UGT1A8: variants seen among roughly 807,000 people sequenced by gnomAD.
UGT1A8 encodes UDP glucuronosyltransferase family 1 member A8, also known as UDP-glucuronosyltransferase 1A8.
In UGT1A8, 39 loss-of-function variants were observed where a neutral mutation model predicts 45.3. The observed-to-expected ratio is 0.86, with a 90% confidence interval of 0.67 to 1.12. The LOEUF (loss-of-function observed/expected upper bound fraction) is 1.12, where lower values mean the gene tolerates loss of function less well. UGT1A8 is among the 50% of genes most tolerant of loss of function. UGT1A8 has a pLI of 0.00. For missense variants in UGT1A8, 719 were observed against 664.9 expected, an observed-to-expected ratio of 1.08 and a Z score of -0.90; for synonymous variants, 275 against 249.2, an observed-to-expected ratio of 1.10 and a Z score of -0.97.
At chr2:233,721,905 C>A in intron 1 of UGT1A8, 1 of 450,072 alleles carries the variant, frequency 2.2e-6, no homozygotes, top group Non-Finnish European at 4.4e-6. Context: ...CGAAATGGTG[C>A]ACACTGCTTC....
chr2:233,629,086 G>A (rs1260724263), intron 1 of UGT1A8, among the ~76,000 whole-genome samples: 1 of 151,934 alleles, frequency 6.6e-6, no homozygotes, highest in African/African-American at 2.4e-5. Context: ...TTCCCAAACT[G>A]AAACTTTGGA....
chr2:233,763,026 C>T (rs1324231755), intron 1 of UGT1A8, among the ~76,000 whole-genome samples: 1 of 152,138 alleles, frequency 6.6e-6, no homozygotes, highest in African/African-American at 2.4e-5. Flanking sequence ...TTATGTTAGC[C>T]ATTGTTTTCT....
At chr2:233,760,186 C>G (rs1697340087) in intron 1 of UGT1A8, 1 of 1,558,442 alleles carries the variant, frequency 6.4e-7, no homozygotes, top group Admixed American at 1.8e-5. Flanking sequence ...TTTTTATAGT[C>G]ACGTGACACA....
At chr2:233,693,725 G>C in intron 1 of UGT1A8, 1 of 1,614,208 alleles carries the variant, frequency 6.2e-7, no homozygotes, top group Non-Finnish European at 8.5e-7. Flanking sequence ...CAAGAGAGAT[G>C]TGGATATAAT....
At chr2:233,705,261 G>A (rs1042123676) in intron 1 of UGT1A8, among the ~76,000 whole-genome samples, 1 of 152,140 alleles carries the variant, frequency 6.6e-6, no homozygotes, top group Admixed American at 6.5e-5. Context: ...ATTCTATGGG[G>A]TCACTTGCTT....
chr2:233,640,951 T>G (rs1170056334), intron 1 of UGT1A8, among the ~76,000 whole-genome samples: 1 of 152,194 alleles, frequency 6.6e-6, no homozygotes, highest in Non-Finnish European at 1.5e-5. Flanking sequence ...TCTCCCTTTC[T>G]TCATGGTCTA....
intron 1 of UGT1A8, among the ~76,000 whole-genome samples, chr2:233,634,510 A>T (rs1012432600): frequency 6.6e-6 from 1 of 152,188 alleles, no homozygotes; most frequent in Non-Finnish European, 1.5e-5. Flanking sequence ...ATATATATTT[A>T]GGATGGTTAG....
chr2:233,743,833 G>A (rs2125856525), intron 1 of UGT1A8: 1 of 1,367,262 alleles, frequency 7.3e-7, no homozygotes, highest in African/African-American at 1.5e-5. Context: ...GGTGCCACTT[G>A]AGCGCCAGCT....
intron 1 of UGT1A8, among the ~76,000 whole-genome samples, chr2:233,649,580 G>A (rs551078621): frequency 3.3e-5 from 5 of 152,168 alleles, no homozygotes; most frequent in East Asian, 1.9e-4. Flanking sequence ...TTTACTATGC[G>A]TTTTTACTTG....
At chr2:233,737,798 AC>A (rs2125811044) in intron 1 of UGT1A8, among the ~76,000 whole-genome samples, 1 of 151,388 alleles carries the variant, frequency 6.6e-6, no homozygotes, top group African/African-American at 2.4e-5. Flanking sequence ...TCAAATCTTC[AC>A]TATCATCTCA....
At chr2:233,753,681 A>G in intron 1 of UGT1A8, 1 of 152,226 alleles carries the variant, frequency 6.6e-6, no homozygotes, top group East Asian at 1.9e-4. Flanking sequence ...CCTCACCCAA[A>G]CAATATTACA....
intron 1 of UGT1A8, among the ~76,000 whole-genome samples, chr2:233,712,193 C>G (rs144263331): frequency 3.9e-5 from 6 of 152,220 alleles, no homozygotes; most frequent in African/African-American, 1.4e-4. Flanking sequence ...CCAGCTCCCC[C>G]GGTCCCTTGG....
At chr2:233,710,257 T>C (rs1404834948) in intron 1 of UGT1A8, among the ~76,000 whole-genome samples, 4 of 152,232 alleles carry the variant, frequency 2.6e-5, no homozygotes, top group Non-Finnish European at 5.9e-5. Context: ...TTTCTGAGAT[T>C]TCATTTTTCT....
At chr2:233,729,314 C>T (rs771299324) in intron 1 of UGT1A8, 4 of 1,614,130 alleles carry the variant, frequency 2.5e-6, no homozygotes, top group East Asian at 4.5e-5. Flanking sequence ...GTCCTCACCC[C>T]AGAGGTGAAT....
At chr2:233,623,464 G>C (rs1469274556) in intron 1 of UGT1A8, among the ~76,000 whole-genome samples, 2 of 152,006 alleles carry the variant, frequency 1.3e-5, no homozygotes, top group African/African-American at 4.8e-5. Flanking sequence ...TGGATTCCTA[G>C]GTGTTTTATT....
chr2:233,721,642 T>A (rs1280370811), intron 1 of UGT1A8: 1 of 207,198 alleles, frequency 4.8e-6, no homozygotes. Context: ...ATCTTGAATG[T>A]GGCAGTGGGG....
Position 233,693,101 on chromosome 2 carries a change from C to T in UGT1A8, c.856-73933C>T, listed in dbSNP as rs1056441481. 6 of 1,613,966 alleles carry T rather than the reference C, an allele frequency of 3.7e-6. No homozygotes were observed. The African/African-American group carries it at 4.0e-5, about 11-fold the overall frequency. ...TGTAGGTGACAAGCTGCTGGTGGTCCCTCAGGACGGAAGCCACTGGCTTAG... is the reference window on the plus strand; with the variant it reads ...TGTAGGTGACAAGCTGCTGGTGGTCTCTCAGGACGGAAGCCACTGGCTTAG... On this transcript the variant is annotated intron_variant, in intron 1 of 4. Coordinates refer to ENST00000373450, the MANE Select transcript of UGT1A8 (RefSeq NM_019076.5).
chr2:233,767,252 T>C (rs959458816), intron 2 of UGT1A8, 87 bp downstream of exon 2: 5 of 1,599,856 alleles, frequency 3.1e-6, no homozygotes, highest in East Asian at 2.2e-5. Context: ...ATTCTCTTAA[T>C]TGGAACCTTA....
rs1288789107 is a variant in UGT1A8 at position 233,724,474 on chromosome 2, CTT to C, written c.856-42559_856-42558del. Among the ~76,000 whole-genome samples the C allele has an allele frequency of 8.4e-4, 66 of 78,806 alleles. 2 individuals carry two copies. The highest frequency in any genetic ancestry group is 3.0e-3 in the African/African-American group (63 of 21,154). 51.7% of individuals were successfully genotyped at this position (78,806 alleles called of 152,430 possible). A position where few individuals can be genotyped will look rare whatever the true frequency, so the allele number is the denominator to read the frequency against. On this transcript the variant is annotated intron_variant, in intron 1 of 4. Transcript: ENST00000373450. ...AGCTGCCGGGCGGAGGGGCTCCTCA[CTT>C]CTCAGACGGGGCGGCCGGGCAGAGA...
Sources: allele counts gnomAD v4.1 joint callset (sites outside exome capture counted in the v4.1 genomes callset), GRCh38; gene constraint gnomAD v4.1.1; transcripts MANE v1.5; gene names NCBI Gene and HGNC (gene_info 2026-07-23, HGNC 2026-07-21).